The following NPR2 variants were observed in gnomAD, a reference collection of about 807,000 sequenced individuals.
The protein encoded by NPR2 is natriuretic peptide receptor 2.
In NPR2, 49 loss-of-function variants were observed where a neutral mutation model predicts 120.7. The observed-to-expected ratio is 0.41, with a 90% CI of 0.32 to 0.52. NPR2 has a LOEUF of 0.52. NPR2 is among the 20% of genes least tolerant of loss of function. The pLI is 0.36. For synonymous variants in NPR2, 484 were observed against 519.8 expected (o/e 0.93, Z 0.94); for missense variants, 931 against 1,362.9 (o/e 0.68, Z 4.99).
intron 18 of NPR2, 74 bp downstream of exon 18, chr9:35,807,472 C>T: frequency 8.5e-7 from 1 of 1,180,352 alleles, no homozygotes; most frequent in Non-Finnish European, 1.3e-6. Context: ...CTCCCTGAAC[C>T]CCACACACCT....
Position 35,806,680 on chromosome 9 carries a change from CT to C in NPR2, c.2519+143del. 1.1e-6 allele frequency: 1 copy of C among 904,312 alleles called. No homozygotes were observed. The highest frequency in any genetic ancestry group is 2.5e-5 in the East Asian group (1 of 39,770). The allele number at this position is 904,312 out of a possible 1,614,324, so 56.0% of individuals were successfully genotyped here. A position where few individuals can be genotyped will look rare whatever the true frequency, so the allele number is the denominator to read the frequency against. ...AGCACCCCTGCTTATAGATTATTTG[CT>C]GTCATTCTGTCTCCACATCAGCTAT... On this transcript the variant is annotated intron_variant, in intron 16 of 21. Coordinates refer to ENST00000342694, the MANE Select transcript of NPR2 (RefSeq NM_003995.4). This position sits in a 1 kb window ranked among gnomAD's most constrained non-coding sequence, Gnocchi z 4.6.
At chr9:35,793,210 G>A (rs1827842991) in intron 1 of NPR2, 135 bp downstream of exon 1, 6 of 955,908 alleles carry the variant, frequency 6.3e-6, no homozygotes, top group Middle Eastern at 2.2e-4. Context: ...AAGCACACGT[G>A]GACAGAGCAC....
chr9:35,808,883 G>A lies in NPR2; in HGVS notation c.2986+30G>A. On this transcript the variant is annotated intron_variant, in intron 20 of 21. Coordinates refer to ENST00000342694, the MANE Select transcript of NPR2 (RefSeq NM_003995.4). This position sits in a 1 kb window ranked among gnomAD's most constrained non-coding sequence, Gnocchi z 4.0. ...GACATTAGCCCTCAACCCCACTGTT[G>A]GCCTCAATTTATCTTGCCCTTTTCT... 7.6e-7 allele frequency: 1 copy of A among 1,313,862 alleles called. No homozygotes were observed. The highest frequency in any genetic ancestry group is 1.2e-5 in the South Asian group (1 of 85,106). 81.4% of individuals were successfully genotyped at this position (1,313,862 alleles called of 1,614,324 possible).
rs1379635374 is a variant in NPR2, at chr9:35,793,087, C to T, written c.667+12C>T. Reference sequence around the variant, plus strand: ...GGCCAACGGGCGCAGTGAGTGTGGCCTGGGCTATTTTAGGGTCATGGGAGG... The same window carrying T: ...GGCCAACGGGCGCAGTGAGTGTGGCTTGGGCTATTTTAGGGTCATGGGAGG... On this transcript the variant is annotated intron_variant, in intron 1 of 21. Transcript: ENST00000342694. 1.8e-5 allele frequency: 29 copies of T among 1,581,778 alleles called. No homozygotes were observed. The highest frequency in any genetic ancestry group is 2.5e-5 in the Non-Finnish European group (29 of 1,167,972).
chr9:35,800,025 A>G lies in NPR2; in HGVS notation c.991A>G (p.Asn331Asp), dbSNP rs1464170906. 2.5e-6 allele frequency: 4 copies of G among 1,613,892 alleles called. No homozygotes were observed. Among genetic ancestry groups the G allele is most frequent in the Non-Finnish European group, 3.4e-6 (4 of 1,180,030 alleles). ...FGVELGPSLM[N>D]LIAGCFYDGI... The stretch of plus-strand genomic sequence containing the variant: ...CTGCTGAAGTTGCCACCCCCAGATG[A>G]ACCTCATCGCTGGCTGCTTCTATGA... Residue 331 changes from asparagine to aspartate, a missense_variant, in exon 4 of 22, where the codon AAC becomes GAC. Asn to Asp is a conservative substitution (Grantham distance 23). Transcript: ENST00000342694. This position sits in a 1 kb window ranked among gnomAD's most constrained non-coding sequence, Gnocchi z 4.7.
At chr9:35,799,528 A>G in intron 2 of NPR2, 90 bp from the exon 3 acceptor site, 1 of 941,538 alleles carries the variant, frequency 1.1e-6, no homozygotes, top group South Asian at 1.3e-5. Flanking sequence ...TATCATGTAT[A>G]TTTTACCAAG....
Position 35,805,336 on chromosome 9 carries a change from C to T in NPR2, c.1888-175C>T, listed in dbSNP as rs895201875. Among the ~76,000 whole-genome samples, 8 of 152,218 alleles carry T rather than the reference C, an allele frequency of 5.3e-5. No homozygotes were observed. The East Asian group carries it at 1.5e-3, about 29-fold the overall frequency. On this transcript the variant is annotated intron_variant, in intron 12 of 21. Transcript: ENST00000342694. This position sits in a 1 kb window ranked among gnomAD's most constrained non-coding sequence, Gnocchi z 4.9. ...TGCTTATGATACCAGGAACAGATGA[C>T]TCTTCTGTTCTTCCTGCTTCCTTGG...
rs1028686349 is a variant in NPR2, at chr9:35,806,364, C to A, written c.2373-28C>A. 9 of 1,612,908 alleles carry A rather than the reference C, an allele frequency of 5.6e-6. No individual in the cohort carries two copies. Among genetic ancestry groups the A allele is most frequent in the Non-Finnish European group, 7.6e-6 (9 of 1,178,900 alleles). ...CCTGGGAATCTTCAGAATCTTAGAG[C>A]AAGTGCCTTATCCTGGCCTCCCTCT... On this transcript the variant is annotated intron_variant, in intron 15 of 21. Transcript: ENST00000342694. This position sits in a 1 kb window ranked among gnomAD's most constrained non-coding sequence, Gnocchi z 4.6.
chr9:35,808,240 G>C lies in NPR2; in HGVS notation c.2713-269G>C. 1 of 1,614,108 alleles carries C rather than the reference G, an allele frequency of 6.2e-7. No individual in the cohort carries two copies. Among genetic ancestry groups the C allele is most frequent in the Non-Finnish European group, 8.5e-7 (1 of 1,180,010 alleles). ...CATTTCCTGATGGCAGAGCCTATTT[G>C]TCCATGTCCTGCTGCAGACAGGGTG... On this transcript the variant is annotated intron_variant, in intron 18 of 21. Transcript: ENST00000342694. The surrounding 1 kb of genome is among the most constrained non-coding windows in gnomAD (Gnocchi z 4.0).
Position 35,808,010 on chromosome 9 carries a change from A to C in NPR2, c.2713-499A>C. On this transcript the variant is annotated intron_variant, in intron 18 of 21. Transcript: ENST00000342694. This position sits in a 1 kb window ranked among gnomAD's most constrained non-coding sequence, Gnocchi z 4.0. Reference sequence around the variant, plus strand: ...AGGGATAACTACTTTATCCCTAAATACTTAGTGTGTATTTCCTAAAAACTT... The same window carrying C: ...AGGGATAACTACTTTATCCCTAAATCCTTAGTGTGTATTTCCTAAAAACTT... 1.6e-6 allele frequency: 1 copy of C among 627,598 alleles called. No homozygotes were observed. Among genetic ancestry groups the C allele is most frequent in the Non-Finnish European group, 2.9e-6 (1 of 350,736 alleles). 38.9% of individuals were successfully genotyped at this position (627,598 alleles called of 1,614,324 possible).
chr9:35,795,366 A>G (rs1827916821), intron 2 of NPR2, among the ~76,000 whole-genome samples: 1 of 152,226 alleles, frequency 6.6e-6, no homozygotes, highest in Non-Finnish European at 1.5e-5. Context: ...CTAACCGTGC[A>G]TATAAGTGTT....
In NPR2 at chr9:35,792,386, G is replaced by A; in HGVS notation, c.-23G>A. 1 of 1,606,302 alleles carries A rather than the reference G, an allele frequency of 6.2e-7. No homozygotes were observed. The highest frequency in any genetic ancestry group is 8.5e-7 in the Non-Finnish European group (1 of 1,178,028). On this transcript the variant is annotated 5_prime_UTR_variant, in exon 1 of 22. Coordinates refer to ENST00000342694, the MANE Select transcript of NPR2 (RefSeq NM_003995.4). ...CAGAGCAGCCCCAAGTTCTGGGGGC[G>A]GTGGGGCTGCTGCTTTATCCCCATG...
Position 35,802,558 on chromosome 9 carries a change from C to T in NPR2, c.1766C>T (p.Pro589Leu), listed in dbSNP as rs758809990. The change falls in exon 11 of 22, where the codon CCT becomes CTT. Residue 589 changes from proline (P) to leucine (L), a missense_variant. Physicochemically the swap from Pro to Leu is moderately conservative, Grantham distance 98. Transcript: ENST00000342694. The surrounding 1 kb of genome is among the most constrained non-coding windows in gnomAD (Gnocchi z 4.2). ...CGCTTCATTGGCGCCTGCATAGACC[C>T]TCCCAACATTTGCATTGTCACTGAA... is the stretch of plus-strand genomic sequence containing the variant. ...LTRFIGACID[P>L]PNICIVTEYC... is the part of the protein sequence containing the mutation. 6 of 1,609,740 alleles carry T rather than the reference C, an allele frequency of 3.7e-6. No individual in the cohort carries two copies. The South Asian group carries it at 6.6e-5, about 18-fold the overall frequency.
intron 6 of NPR2, 65 bp from the exon 7 acceptor site, chr9:35,801,005 C>T: frequency 6.6e-7 from 1 of 1,522,006 alleles, no homozygotes; most frequent in Non-Finnish European, 9.1e-7. Flanking sequence ...TGCACCTATG[C>T]ACCCCGTTCT....
In NPR2 at chr9:35,805,740, G is replaced by T; in HGVS notation, c.2047+70G>T. ...CCACCTAGGGATGGTGGGAGAGGGA[G>T]GTGGAGTGACAGTAATATAGGGATG... is the stretch of plus-strand genomic sequence containing the variant. On this transcript the variant is annotated intron_variant, in intron 13 of 21. Coordinates refer to ENST00000342694, the MANE Select transcript of NPR2 (RefSeq NM_003995.4). The surrounding 1 kb of genome is among the most constrained non-coding windows in gnomAD (Gnocchi z 4.9). 6.2e-7 allele frequency: 1 copy of T among 1,609,218 alleles called. No individual in the cohort carries two copies. Among genetic ancestry groups the T allele is most frequent in the Non-Finnish European group, 8.5e-7 (1 of 1,176,240 alleles).
chr9:35,804,233 CT>C (rs11328092), intron 12 of NPR2, among the ~76,000 whole-genome samples: 81,480 of 139,382 alleles, frequency 0.58, 25,472 homozygotes, highest in Middle Eastern at 0.74. Flanking sequence ...ATCATTAAGA[CT>C]TTTTTTTTTT....
At position 35,807,030 on chromosome 9, in the gene NPR2, G is replaced by A; in HGVS notation, c.2527G>A (p.Ala843Thr). The A allele has an allele frequency of 6.2e-7, 1 of 1,614,122 alleles. No individual in the cohort carries two copies. Among genetic ancestry groups the A allele is most frequent in the Non-Finnish European group, 8.5e-7 (1 of 1,179,992 alleles). Residue 843 changes from alanine to threonine, a missense_variant, in exon 17 of 22, where the codon GCA (alanine) becomes ACA (threonine). This residue lies in a region of NPR2 where 184 missense variants were observed against 328.3 expected (regional missense o/e 0.56). Transcript: ENST00000342694. Reference protein sequence around the residue: ...LLYQILPHSVAEQLKRGETVQ... With the variant: ...LLYQILPHSVTEQLKRGETVQ... ...GGCACCCTTGCTTCCTAGTTCAGTG[G>A]CAGAGCAGTTAAAACGGGGAGAGAC...
chr9:35,795,427 G>A (rs1827918828), intron 2 of NPR2, among the ~76,000 whole-genome samples: 1 of 152,190 alleles, frequency 6.6e-6, no homozygotes, highest in Admixed American at 6.5e-5. Context: ...GATTGGAGGT[G>A]GCTTATGGGA....
chr9:35,805,796 C>T lies in NPR2; in HGVS notation c.2048-34C>T, dbSNP rs374527912. ...AGGTGGGCTTGGGGGTGCCCCATTT[C>T]GGGGGACCTGGCCAGCCGGTTTCCT... On this transcript the variant is annotated intron_variant, in intron 13 of 21. Transcript: ENST00000342694. The surrounding 1 kb of genome is among the most constrained non-coding windows in gnomAD (Gnocchi z 4.9). 45 of 1,612,472 alleles carry T rather than the reference C, an allele frequency of 2.8e-5. No homozygotes were observed. The highest frequency in any genetic ancestry group is 3.4e-4 in the Middle Eastern group (2 of 5,806).
Sources: gnomAD v4.1 joint callset for allele counts (sites outside exome capture counted in the v4.1 genomes callset) on GRCh38, gnomAD v4.1.1 for gene constraint, gnomAD v4.1.1 regional missense constraint, Gnocchi (gnomAD v3.1) non-coding constraint, MANE v1.5 for transcripts, NCBI Gene and HGNC (gene_info 2026-07-23, HGNC 2026-07-21) for gene names.